NAV2: variants seen among roughly 807,000 people sequenced by gnomAD.
The protein encoded by NAV2 is neuron navigator 2, also known as helicase, APC down-regulated 1.
NAV2 carries 54 observed loss-of-function variants against 223.2 expected under a neutral mutation model. That is an observed-to-expected ratio of 0.24 (90% CI 0.19 to 0.30). The LOEUF (loss-of-function observed/expected upper bound fraction) is 0.30, where lower values mean the gene tolerates loss of function less well. NAV2 is among the 10% of genes least tolerant of loss of function. The probability of loss-of-function intolerance (pLI) is 1.00; values close to 1 mark genes in which losing one functional copy is unlikely to be tolerated. For synonymous variants in NAV2, 1,279 were observed against 1,239.3 expected (o/e 1.03, Z -0.67); for missense variants, 2,806 against 3,147.5 (o/e 0.89, Z 2.60).
rs576039499 is a variant in NAV2 at position 19,356,238 on chromosome 11, T to C, written c.75+5211T>C. 5.3e-5 allele frequency among the ~76,000 whole-genome samples: 8 copies of C among 152,280 alleles called. No homozygotes were observed. In the South Asian group the frequency reaches 1.0e-3, roughly 20 times the overall value. Reference sequence around the variant, plus strand: ...AGACTGTAGCCAGATGCAACTCCATTCAGTAAGCTTTGAGACCTGACTCAG... The same window carrying C: ...AGACTGTAGCCAGATGCAACTCCATCCAGTAAGCTTTGAGACCTGACTCAG... On this transcript the variant is annotated intron_variant, in intron 1 of 37. Transcript: ENST00000360655.
intron 8 of NAV2, 149 bp from the exon 9 acceptor site, chr11:19,946,252 A>G (rs940753043): frequency 3.3e-6 from 2 of 614,342 alleles, no homozygotes; most frequent in African/African-American, 3.9e-5. Flanking sequence ...CCATTCAATC[A>G]TTCATTCATT....
intron 1 of NAV2, among the ~76,000 whole-genome samples, chr11:19,657,169 A>T (rs1298277677): frequency 6.6e-6 from 1 of 152,262 alleles, no homozygotes; most frequent in East Asian, 1.9e-4. Flanking sequence ...AAGTATGGAT[A>T]GAGATGAGTA....
intron 1 of NAV2, among the ~76,000 whole-genome samples, chr11:19,548,755 G>A (rs1468982298): frequency 2.0e-5 from 3 of 151,474 alleles, no homozygotes; most frequent in African/African-American, 4.9e-5. Context: ...GCAGGTGCCT[G>A]TAGTCCCAGC....
chr11:20,002,985 A>G (rs548783666), intron 11 of NAV2, among the ~76,000 whole-genome samples: 1 of 152,356 alleles, frequency 6.6e-6, no homozygotes, highest in South Asian at 2.1e-4. Flanking sequence ...TTACCCCACC[A>G]TAAATGGGCT....
chr11:19,700,341 G>A (rs898538070), intron 1 of NAV2, among the ~76,000 whole-genome samples: 2 of 152,174 alleles, frequency 1.3e-5, no homozygotes, highest in South Asian at 2.1e-4. Flanking sequence ...GCAGTCACAC[G>A]TATGCAATCA....
At chr11:19,391,199 C>T (rs764891870) in intron 1 of NAV2, among the ~76,000 whole-genome samples, 21 of 152,234 alleles carry the variant, frequency 1.4e-4, no homozygotes, top group Admixed American at 2.6e-4. Context: ...TTCACTACCA[C>T]TCACCTCCAA....
At chr11:19,462,004 T>G (rs1281591105) in intron 1 of NAV2, among the ~76,000 whole-genome samples, 1 of 152,192 alleles carries the variant, frequency 6.6e-6, no homozygotes, top group East Asian at 1.9e-4. Flanking sequence ...AGACGCAGTT[T>G]CACCATGTTG....
chr11:19,602,659 T>C (rs2046378777), intron 1 of NAV2, among the ~76,000 whole-genome samples: 1 of 152,076 alleles, frequency 6.6e-6, no homozygotes, highest in African/African-American at 2.4e-5. Context: ...GGAAAGTCCT[T>C]CCTTGCCTCT....
chr11:20,097,892 G>A lies in NAV2; in HGVS notation c.6181+147G>A, dbSNP rs926562414. 134 of 675,984 alleles carry A rather than the reference G, an allele frequency of 2.0e-4. 2 individuals carry two copies. The East Asian group carries it at 3.7e-3, about 19-fold the overall frequency. The allele number at this position is 675,984 out of a possible 1,614,324, so 41.9% of individuals were successfully genotyped here. A position where few individuals can be genotyped will look rare whatever the true frequency, so the allele number is the denominator to read the frequency against. On this transcript the variant is annotated intron_variant, in intron 31 of 37. Transcript: ENST00000349880. The stretch of plus-strand genomic sequence containing the variant: ...CTTCTACCACAGTTACTCTATGCAA[G>A]TTGAACCGTCTTTTGCTTTTTCAAC...
At chr11:19,653,251 G>A (rs180779319) in intron 1 of NAV2, among the ~76,000 whole-genome samples, 2 of 152,294 alleles carry the variant, frequency 1.3e-5, no homozygotes, top group East Asian at 3.9e-4. Context: ...TGAAACATGG[G>A]AAATGTACCA....
chr11:19,945,439 A>G (rs927509719), intron 8 of NAV2, among the ~76,000 whole-genome samples: 9 of 150,996 alleles, frequency 6.0e-5, no homozygotes. Flanking sequence ...CAATGGCACA[A>G]TCTCGGCTGA....
chr11:19,520,001 G>A (rs936171595), intron 1 of NAV2: 4 of 152,236 alleles, frequency 2.6e-5, no homozygotes, highest in African/African-American at 7.2e-5. Flanking sequence ...CAAGACGGAA[G>A]CATTTGGAGG....
At chr11:19,419,075 T>C (rs1850502565) in intron 1 of NAV2, among the ~76,000 whole-genome samples, 1 of 152,142 alleles carries the variant, frequency 6.6e-6, no homozygotes, top group African/African-American at 2.4e-5. Context: ...GCCTTGAGTC[T>C]GGGAGCTGAG....
intron 1 of NAV2, among the ~76,000 whole-genome samples, chr11:19,470,724 C>G (rs1306389094): frequency 6.6e-6 from 1 of 152,112 alleles, no homozygotes; most frequent in Non-Finnish European, 1.5e-5. Context: ...TTAGAGGAAC[C>G]AATGGGGACT....
chr11:19,582,453 T>C (rs2135036568), intron 1 of NAV2, among the ~76,000 whole-genome samples: 1 of 152,380 alleles, frequency 6.6e-6, no homozygotes, highest in East Asian at 1.9e-4. Context: ...GCTTATGTCC[T>C]GAATGGTATT....
chr11:19,680,804 G>T (rs1481098333), intron 1 of NAV2, among the ~76,000 whole-genome samples: 1 of 152,212 alleles, frequency 6.6e-6, no homozygotes, highest in African/African-American at 2.4e-5. Flanking sequence ...CGGCTCTTCT[G>T]CTCAGGAATG....
intron 19 of NAV2, among the ~76,000 whole-genome samples, chr11:20,059,793 G>A (rs1187308167): frequency 6.6e-6 from 1 of 152,140 alleles, no homozygotes; most frequent in Non-Finnish European, 1.5e-5. Flanking sequence ...AAAATGTGAG[G>A]TATAGCTATA....
intron 1 of NAV2, among the ~76,000 whole-genome samples, chr11:19,539,759 T>G (rs34414081): frequency 0.13 from 20,031 of 152,204 alleles, 2,064 homozygotes; most frequent in African/African-American, 0.28. Context: ...ATACTGAATT[T>G]GATGCAATCA....
intron 1 of NAV2, among the ~76,000 whole-genome samples, chr11:19,787,658 G>A (rs1005374794): frequency 6.6e-6 from 1 of 152,100 alleles, no homozygotes; most frequent in East Asian, 1.9e-4. Context: ...GTGTGTATGC[G>A]ATAGCATGAT....
Sources: gnomAD v4.1 joint callset for allele counts (sites outside exome capture counted in the v4.1 genomes callset) on GRCh38, gnomAD v4.1.1 for gene constraint, MANE v1.5 for transcripts, NCBI Gene and HGNC (gene_info 2026-07-23, HGNC 2026-07-21) for gene names.